RACGAP1: variants seen among roughly 807,000 people sequenced by gnomAD.
The protein encoded by RACGAP1 is rac GTPase-activating protein 1.
RACGAP1 carries 30 observed loss-of-function variants against 78.1 expected under a neutral mutation model. The ratio of observed to expected loss-of-function variants is 0.38; its 90% confidence interval spans 0.29 to 0.52. The LOEUF (loss-of-function observed/expected upper bound fraction) is 0.52, where lower values mean the gene tolerates loss of function less well. RACGAP1 is among the 20% of genes least tolerant of loss of function. RACGAP1 has a pLI of 0.82. For missense variants in RACGAP1, 587 were observed against 777.1 expected (o/e 0.76, Z 2.91); for synonymous variants, 231 against 264.8 (o/e 0.87, Z 1.24).
Position 50,009,229 on chromosome 12 carries a change from T to A in RACGAP1, c.86-2593A>T, listed in dbSNP as rs1592186661. 5.5e-5 allele frequency among the ~76,000 whole-genome samples: 7 copies of A among 126,540 alleles called. No individual in the cohort carries two copies. In the South Asian group the frequency reaches 1.4e-3, roughly 26 times the overall value. The allele number at this position is 126,540 out of a possible 152,430, so 83.0% of individuals were successfully genotyped here. On this transcript the variant is annotated intron_variant, in intron 2 of 16. Coordinates refer to ENST00000312377, the MANE Select transcript of RACGAP1 (RefSeq NM_001319999.2). ...CTGCACTCCAGCCTGGGCAACAGAG[T>A]GAGATGCTGTCTCAAAAAAAAAAAA...
At chr12:50,002,411 C>T (rs1428932903) in intron 5 of RACGAP1, 111 bp from the exon 6 acceptor site, 8 of 827,890 alleles carry the variant, frequency 9.7e-6, no homozygotes, top group Admixed American at 2.6e-5. Flanking sequence ...GGCTACCTAA[C>T]GTACAATTCG....
At position 49,999,142 on chromosome 12, in the gene RACGAP1, G is replaced by A. The variant is rs377260431; in HGVS notation, c.878C>T (p.Thr293Met). 14 of 1,587,062 alleles carry A rather than the reference G, an allele frequency of 8.8e-6. No homozygotes were observed. Among genetic ancestry groups the A allele is most frequent in the Admixed American group, 3.9e-5 (2 of 51,268 alleles). The change falls in exon 9 of 17, where the codon ACG becomes ATG. Residue 293 changes from threonine (T) to methionine (M), a missense_variant and splice_region_variant. Transcript: ENST00000312377. The stretch of plus-strand genomic sequence containing the variant: ...CACAAACAACAATCACAGATTTACC[G>A]TCTTAGAAACAAAGTCATGCAGGCG... ...GMRLHDFVSK[T>M]VIKPESCVPC...
chr12:50,004,808 A>C (rs866830899), intron 4 of RACGAP1, among the ~76,000 whole-genome samples: 1 of 152,248 alleles, frequency 6.6e-6, no homozygotes, highest in African/African-American at 2.4e-5. Context: ...GGGGATGTTA[A>C]ATTCAAAGCC....
intron 3 of RACGAP1, 43 bp from the exon 4 acceptor site, chr12:50,005,435 A>T: frequency 6.2e-7 from 1 of 1,606,606 alleles, no homozygotes; most frequent in South Asian, 1.1e-5. Context: ...TAGCCAGGGG[A>T]GAAAGCTTCA....
Position 50,002,250 on chromosome 12 carries a change from C to A in RACGAP1, c.546G>T (p.Lys182Asn). 1 of 1,613,124 alleles carries A rather than the reference C, an allele frequency of 6.2e-7. No homozygotes were observed. The highest frequency in any genetic ancestry group is 8.5e-7 in the Non-Finnish European group (1 of 1,179,450). ...AGACTAAACAAATCATACATACCCT[C>A]TTTTCTCTCTTCTTCAGTTTGAAAG... Reference protein sequence around the residue: ...VKTFKLKKREKRRSTSRQFVD... With the variant: ...VKTFKLKKRENRRSTSRQFVD... Residue 182 changes from lysine to asparagine, a missense_variant, in exon 6 of 17, where the codon AAG becomes AAT. Transcript: ENST00000312377.
At chr12:50,015,598 G>A (rs965575819) in intron 2 of RACGAP1, among the ~76,000 whole-genome samples, 13 of 151,800 alleles carry the variant, frequency 8.6e-5, no homozygotes, top group Non-Finnish European at 8.8e-5. Flanking sequence ...TCAGGAGATC[G>A]AGACCATCCT....
rs1789529676 is a variant in RACGAP1, at chr12:50,018,619, T to C, written c.-4-1900A>G. On this transcript the variant is annotated intron_variant, in intron 1 of 16. Transcript: ENST00000312377. ...GGTAAAAATGGAAGACTCTAATCAGTAGTTTTAATATAAGGTATTACTTTC... is the reference window on the plus strand; with the variant it reads ...GGTAAAAATGGAAGACTCTAATCAGCAGTTTTAATATAAGGTATTACTTTC... The C allele has an allele frequency of 2.5e-6, 3 of 1,178,120 alleles. No homozygotes were observed. In the Admixed American group the frequency reaches 7.0e-5, roughly 27 times the overall value. The allele number at this position is 1,178,120 out of a possible 1,614,324, so 73.0% of individuals were successfully genotyped here.
At position 49,994,487 on chromosome 12, in the gene RACGAP1, G is replaced by A; in HGVS notation, c.1067C>T (p.Ser356Phe). ...GGAGGGGATCATTGGAGAAGTCTGG[G>A]ACACAAAGTCTGCCAGCATTCCCTG... Reference protein sequence around the residue: ...IGEGMLADFVSQTSPMIPSIV... With the variant: ...IGEGMLADFVFQTSPMIPSIV... Residue 356 changes from serine to phenylalanine, a missense_variant, in exon 11 of 17, where the codon TCC (serine) becomes TTC (phenylalanine). Transcript: ENST00000312377. 2 of 1,613,544 alleles carry A rather than the reference G, an allele frequency of 1.2e-6. No individual in the cohort carries two copies. Among genetic ancestry groups the A allele is most frequent in the Non-Finnish European group, 1.7e-6 (2 of 1,179,928 alleles).
At position 49,992,380 on chromosome 12, in the gene RACGAP1, A is replaced by G. The variant is rs1312112475; in HGVS notation, c.1446-3T>C. On this transcript the variant is annotated splice_region_variant and splice_polypyrimidine_tract_variant and intron_variant, in intron 13 of 16. Transcript: ENST00000312377. ...TAGTATGTGGACTCTGAGCCACTCT[A>G]AGCAAAAGAATATTAAATTAGAAGT... 1 of 1,612,974 alleles carries G rather than the reference A, an allele frequency of 6.2e-7. No individual in the cohort carries two copies. The highest frequency in any genetic ancestry group is 1.7e-5 in the Admixed American group (1 of 59,936).
chr12:50,004,178 C>T, intron 5 of RACGAP1, 57 bp downstream of exon 5: 1 of 1,568,328 alleles, frequency 6.4e-7, no homozygotes, highest in Non-Finnish European at 8.7e-7. Context: ...GAGAGATATT[C>T]CTGGGGAAGC....
intron 3 of RACGAP1, 129 bp from the exon 4 acceptor site, chr12:50,005,521 C>G (rs987977738): frequency 1.6e-5 from 16 of 997,860 alleles, no homozygotes; most frequent in Non-Finnish European, 2.3e-5. Context: ...AGGAAGGCTG[C>G]TACACCAATA....
intron 7 of RACGAP1, among the ~76,000 whole-genome samples, chr12:50,000,663 T>C (rs1948617866): frequency 6.6e-6 from 1 of 152,056 alleles, no homozygotes; most frequent in Non-Finnish European, 1.5e-5. Context: ...GTCATGGGGG[T>C]ATATATTCAA....
intron 1 of RACGAP1, among the ~76,000 whole-genome samples, chr12:50,032,132 C>T (rs981276370): frequency 2.6e-5 from 4 of 151,622 alleles, no homozygotes; most frequent in East Asian, 1.9e-4. Context: ...GGTGACACAG[C>T]GAGACTCTGT....
intron 1 of RACGAP1, chr12:50,019,785 T>C (rs1949903171): frequency 6.6e-6 from 1 of 152,080 alleles, no homozygotes; most frequent in Non-Finnish European, 1.5e-5. Context: ...CTTCAGTAAA[T>C]CACTTAAATT....
chr12:50,001,274 G>C, intron 6 of RACGAP1, 22 bp from the exon 7 acceptor site: 1 of 1,564,624 alleles, frequency 6.4e-7, no homozygotes, highest in Non-Finnish European at 8.8e-7. Flanking sequence ...ACAAAGACCC[G>C]TAACTTTAAT....
chr12:50,021,409 A>G (rs1950001880), intron 1 of RACGAP1, among the ~76,000 whole-genome samples: 1 of 152,192 alleles, frequency 6.6e-6, no homozygotes, highest in Non-Finnish European at 1.5e-5. Context: ...TATGTTACAG[A>G]TTCCCAATCT....
At chr12:50,007,263 A>G (rs1949028646) in intron 2 of RACGAP1, among the ~76,000 whole-genome samples, 1 of 151,910 alleles carries the variant, frequency 6.6e-6, no homozygotes. Flanking sequence ...AAAAACAGGA[A>G]GAGAAGATCA....
intron 2 of RACGAP1, among the ~76,000 whole-genome samples, chr12:50,015,124 C>T (rs1201794875): frequency 6.6e-6 from 1 of 151,520 alleles, no homozygotes; most frequent in Non-Finnish European, 1.5e-5. Context: ...AATCGATCCA[C>T]CCATCTCAGC....
chr12:49,991,457 T>TTATTTATATATATATATATA (rs1555169078), intron 15 of RACGAP1, among the ~76,000 whole-genome samples: 2 of 27,402 alleles, frequency 7.3e-5, no homozygotes, highest in Non-Finnish European at 1.7e-4. Context: ...ATTTAAACTA[T>TTATTTATATATATATATATA]TATATATATA....
Sources: allele counts gnomAD v4.1 joint callset (sites outside exome capture counted in the v4.1 genomes callset), GRCh38; gene constraint gnomAD v4.1.1; transcripts MANE v1.5; gene names NCBI Gene and HGNC (gene_info 2026-07-23, HGNC 2026-07-21).